SGSM1: variants seen among roughly 807,000 people sequenced by gnomAD.
SGSM1 encodes small G protein signaling modulator 1.
Under a neutral mutation model 133.8 loss-of-function variants are expected in SGSM1, and 73 were observed. That is an observed-to-expected ratio of 0.55 (90% CI 0.45 to 0.66). The LOEUF (loss-of-function observed/expected upper bound fraction) is 0.66. Among genes scored for constraint, SGSM1 ranks in the 30% least tolerant of loss-of-function variants. The pLI is 0.00. For missense variants in SGSM1, 1,213 were observed against 1,448.1 expected, an observed-to-expected ratio of 0.84 and a Z score of 2.64; for synonymous variants, 563 against 573.0, an observed-to-expected ratio of 0.98 and a Z score of 0.25.
chr22:24,820,042 G>GT (rs1038253753), intron 2 of SGSM1, among the ~76,000 whole-genome samples: 1 of 152,072 alleles, frequency 6.6e-6, no homozygotes, highest in African/African-American at 2.4e-5. Flanking sequence ...GACGCAAGCA[G>GT]TGGGCAGGCA....
intron 8 of SGSM1, among the ~76,000 whole-genome samples, chr22:24,856,466 T>C (rs912723572): frequency 6.6e-6 from 1 of 152,166 alleles, no homozygotes; most frequent in African/African-American, 2.4e-5. Flanking sequence ...ATCACATGGC[T>C]AGGCTGCAGG....
At chr22:24,895,374 G>T in intron 18 of SGSM1, 83 bp downstream of exon 18, 1 of 1,369,398 alleles carries the variant, frequency 7.3e-7, no homozygotes, top group Non-Finnish European at 1.0e-6. Flanking sequence ...TCCGTCATCT[G>T]TAGGTCACTT....
At chr22:24,900,685 C>T (rs1400485989) in intron 19 of SGSM1, among the ~76,000 whole-genome samples, 3 of 152,196 alleles carry the variant, frequency 2.0e-5, no homozygotes, top group South Asian at 2.1e-4. Context: ...GCATGAGCCA[C>T]GGCGCCCCGC....
At chr22:24,830,310 C>G (rs1929039868) in intron 2 of SGSM1, among the ~76,000 whole-genome samples, 1 of 152,184 alleles carries the variant, frequency 6.6e-6, no homozygotes, top group South Asian at 2.1e-4. Context: ...CTGAGAACTA[C>G]CTGCACCCTT....
intron 2 of SGSM1, among the ~76,000 whole-genome samples, chr22:24,841,926 C>G (rs1037046970): frequency 1.3e-5 from 2 of 152,128 alleles, no homozygotes; most frequent in African/African-American, 4.8e-5. Flanking sequence ...GGATTTGAAC[C>G]CAGGTCTGTC....
At chr22:24,887,215 G>A (rs936023840) in intron 16 of SGSM1, among the ~76,000 whole-genome samples, 1 of 151,092 alleles carries the variant, frequency 6.6e-6, no homozygotes, top group African/African-American at 2.4e-5. Context: ...AATGCTATAA[G>A]GACCCCCACG....
At chr22:24,883,592 C>T (rs1376967231) in intron 14 of SGSM1, among the ~76,000 whole-genome samples, 1 of 152,198 alleles carries the variant, frequency 6.6e-6, no homozygotes, top group African/African-American at 2.4e-5. Context: ...CCAGCAAGTG[C>T]ATAAAGCTCT....
chr22:24,873,634 T>C (rs1336515832), intron 12 of SGSM1, among the ~76,000 whole-genome samples: 2 of 152,128 alleles, frequency 1.3e-5, no homozygotes, highest in East Asian at 3.9e-4. Context: ...GAGGATGGCT[T>C]GAGCCCAGGA....
intron 12 of SGSM1, among the ~76,000 whole-genome samples, chr22:24,871,777 G>T (rs1247937812): frequency 6.6e-6 from 1 of 152,160 alleles, no homozygotes; most frequent in African/African-American, 2.4e-5. Flanking sequence ...CAGTCTCAAG[G>T]TCAACTTCAA....
chr22:24,876,620 C>A lies in SGSM1; in HGVS notation c.1335C>A (p.Ser445=). ...LMDVSVSNLP[S]LWQPSPRKSS... The stretch of plus-strand genomic sequence containing the variant: ...ACGTCTCTGTAAGCAACCTCCCATC[C>A]CTGTGGCAGCCCAGTCCCCGGAAGT... The change falls in exon 13 of 25, where the codon TCC becomes TCA. Residue 445 remains serine (S), a synonymous_variant. Transcript: ENST00000400358. The A allele has an allele frequency of 8.1e-6, 13 of 1,614,018 alleles. No individual in the cohort carries two copies. Among genetic ancestry groups the A allele is most frequent in the Non-Finnish European group, 1.1e-5 (13 of 1,179,892 alleles).
intron 2 of SGSM1, among the ~76,000 whole-genome samples, chr22:24,836,982 A>G (rs149858624): frequency 1.3e-5 from 2 of 152,344 alleles, no homozygotes; most frequent in East Asian, 3.9e-4. Flanking sequence ...ATATCCAAGA[A>G]ATCATTGTCA....
chr22:24,924,424 T>A lies in SGSM1; in HGVS notation c.*150T>A. ...CAGTGCGCAAAGAAACTACCCTGAC[T>A]TTTACTTCTGGGCAGATGGGGTGGA... is the stretch of plus-strand genomic sequence containing the variant. On this transcript the variant is annotated 3_prime_UTR_variant, in exon 25 of 25. Coordinates refer to ENST00000400358, the MANE Select transcript of SGSM1 (RefSeq NM_001098497.3). 1 of 653,684 alleles carries A rather than the reference T, an allele frequency of 1.5e-6. No homozygotes were observed. The highest frequency in any genetic ancestry group is 2.7e-6 in the Non-Finnish European group (1 of 367,406). The allele number at this position is 653,684 out of a possible 1,614,324, so 40.5% of individuals were successfully genotyped here.
At chr22:24,831,461 C>T (rs1314021432) in intron 2 of SGSM1, among the ~76,000 whole-genome samples, 2 of 152,126 alleles carry the variant, frequency 1.3e-5, no homozygotes, top group Admixed American at 6.5e-5. Flanking sequence ...CTCTGGATAC[C>T]TAAGGCAATG....
At chr22:24,833,648 C>T (rs1929252844) in intron 2 of SGSM1, among the ~76,000 whole-genome samples, 2 of 118,586 alleles carry the variant, frequency 1.7e-5, no homozygotes, top group African/African-American at 8.0e-5. Context: ...CAGAGCGAGA[C>T]TCCGTCTCAA....
In SGSM1 at chr22:24,898,505, G is replaced by A. The variant is rs1446205553; in HGVS notation, c.2556G>A (p.Val852=). 2 of 1,613,684 alleles carry A rather than the reference G, an allele frequency of 1.2e-6. No individual in the cohort carries two copies. The highest frequency in any genetic ancestry group is 1.7e-5 in the Admixed American group (1 of 59,992). ...TCCCTGCCCTGGCTTCTCTGGCTGT[G>A]ACTACTTCTGCCAACGAGGTGTCCC... The part of the protein sequence containing the change: ...SLFPALASLA[V]TTSANEVSPV... Residue 852 remains valine, a synonymous_variant, in exon 19 of 25, where the codon GTG becomes GTA. Coordinates refer to ENST00000400358, the MANE Select transcript of SGSM1 (RefSeq NM_001098497.3).
At chr22:24,874,892 T>G (rs1931953880) in intron 12 of SGSM1, among the ~76,000 whole-genome samples, 1 of 152,228 alleles carries the variant, frequency 6.6e-6, no homozygotes, top group South Asian at 2.1e-4. Flanking sequence ...ACTGGGGCTT[T>G]TCTTCTAGAA....
intron 5 of SGSM1, among the ~76,000 whole-genome samples, chr22:24,852,678 G>C (rs1883946311): frequency 1.3e-5 from 2 of 152,130 alleles, no homozygotes; most frequent in South Asian, 4.1e-4. Context: ...CCTGGCCTCA[G>C]GTGATGCTCC....
rs1932983860 is a variant in SGSM1 at position 24,898,334 on chromosome 22, C to A, written c.2385C>A (p.Phe795Leu). ...DLLANESMDE[F>L]MSITGSLDMA... is the part of the protein sequence containing the mutation. ...TGGCCAACGAGAGCATGGACGAGTT[C>A]ATGTCCATCACGGGCAGCCTGGACA... Residue 795 changes from phenylalanine to leucine, a missense_variant, in exon 19 of 25, where the codon TTC (phenylalanine) becomes TTA (leucine). Phe to Leu is a conservative substitution (Grantham distance 22, BLOSUM62 0). Coordinates refer to ENST00000400358, the MANE Select transcript of SGSM1 (RefSeq NM_001098497.3). The A allele has an allele frequency of 6.2e-7, 1 of 1,613,810 alleles. No homozygotes were observed. The highest frequency in any genetic ancestry group is 1.3e-5 in the African/African-American group (1 of 74,898).
chr22:24,853,579 G>T (rs897838804), intron 5 of SGSM1, among the ~76,000 whole-genome samples: 2 of 151,980 alleles, frequency 1.3e-5, no homozygotes, highest in Non-Finnish European at 2.9e-5. Context: ...GGCTGGGAAG[G>T]CCTCAGAATC....
Sources: gnomAD v4.1 joint callset for allele counts (sites outside exome capture counted in the v4.1 genomes callset) on GRCh38, gnomAD v4.1.1 for gene constraint, MANE v1.5 for transcripts, NCBI Gene and HGNC (gene_info 2026-07-23, HGNC 2026-07-21) for gene names.